DOCK2: variants seen among roughly 807,000 people sequenced by gnomAD.
DOCK2 encodes the protein dedicator of cytokinesis protein 2.
In DOCK2, 87 loss-of-function variants were observed where a neutral mutation model predicts 248.9. The observed-to-expected ratio is 0.35, with a 90% CI of 0.29 to 0.42. The LOEUF (loss-of-function observed/expected upper bound fraction) is 0.42, where lower values mean the gene tolerates loss of function less well. DOCK2 is among the 10% of genes least tolerant of loss of function. The pLI, the probability that DOCK2 is intolerant of heterozygous loss-of-function variation, is 1.00. For missense variants in DOCK2, 1,747 were observed against 2,300.2 expected, an observed-to-expected ratio of 0.76 and a Z score of 4.92; for synonymous variants, 805 against 821.6, an observed-to-expected ratio of 0.98 and a Z score of 0.35.
Position 169,903,096 on chromosome 5 carries a change from C to CA in DOCK2, c.2799+62254dup, listed in dbSNP as rs1022825066. ...CTGGCGACAGAGCAAGACTCCATCT[C>CA]AAAAAAAAAAGAAAGAAAGGGGTGA... On this transcript the variant is annotated intron_variant, in intron 27 of 51. Coordinates refer to ENST00000520908, the MANE Select transcript of DOCK2 (RefSeq NM_004946.3). 6.1e-3 allele frequency among the ~76,000 whole-genome samples: 867 copies of CA among 141,868 alleles called. 11 individuals are homozygous for CA. The highest frequency in any genetic ancestry group is 0.02 in the African/African-American group (789 of 38,674). The allele number at this position is 141,868 out of a possible 152,430, so 93.1% of individuals were successfully genotyped here. A position where few individuals can be genotyped will look rare whatever the true frequency, so the allele number is the denominator to read the frequency against.
chr5:169,712,080 T>C, intron 16 of DOCK2, 40 bp from the exon 17 acceptor site: 4 of 1,613,666 alleles, frequency 2.5e-6, no homozygotes, highest in Non-Finnish European at 3.4e-6. Context: ...GGGTGGCCCA[T>C]GTATCATTTT....
At chr5:169,863,641 G>GC (rs1176236950) in intron 27 of DOCK2, among the ~76,000 whole-genome samples, 1 of 152,206 alleles carries the variant, frequency 6.6e-6, no homozygotes, top group Non-Finnish European at 1.5e-5. Flanking sequence ...TCTGCCACAG[G>GC]CAGAAAGGTG....
At chr5:169,703,325 A>G (rs1388125718) in intron 14 of DOCK2, among the ~76,000 whole-genome samples, 5 of 152,200 alleles carry the variant, frequency 3.3e-5, no homozygotes, top group Non-Finnish European at 5.9e-5. Context: ...AATAACTAAC[A>G]TTCACAGGGG....
At chr5:169,812,078 T>C (rs1313138043) in intron 26 of DOCK2, among the ~76,000 whole-genome samples, 1 of 152,146 alleles carries the variant, frequency 6.6e-6, no homozygotes, top group African/African-American at 2.4e-5. Context: ...CCAGAATGGG[T>C]CCTCAACCCT....
chr5:170,034,540 C>A lies in DOCK2; in HGVS notation c.3609C>A (p.Cys1203Ter), dbSNP rs1433800308. 6.2e-7 allele frequency: 1 copy of A among 1,614,110 alleles called. No individual in the cohort carries two copies. Residue 1203 changes from cysteine to a stop codon, truncating the protein, a stop_gained, in exon 35 of 52, where the codon TGC becomes TGA. Transcript: ENST00000520908. LOFTEE classifies it high-confidence loss of function. ...AGAGCAAAGACAACCGCATGAGCTGCACCGTGAACCTGCTGGTGCGTGGGG... is the reference window on the plus strand; with the variant it reads ...AGAGCAAAGACAACCGCATGAGCTGAACCGTGAACCTGCTGGTGCGTGGGG... Reference protein sequence around the residue: ...TDESKDNRMSCTVNLLNFYKD... With the variant: ...TDESKDNRMS
At chr5:169,638,254 G>C (rs1216150103) in intron 1 of DOCK2, among the ~76,000 whole-genome samples, 1 of 152,160 alleles carries the variant, frequency 6.6e-6, no homozygotes, top group African/African-American at 2.4e-5. Flanking sequence ...TGATGCAGGG[G>C]GTCCCCAGGC....
chr5:169,813,303 T>G (rs1767869537), intron 26 of DOCK2, among the ~76,000 whole-genome samples: 1 of 152,340 alleles, frequency 6.6e-6, no homozygotes, highest in Middle Eastern at 3.4e-3. Context: ...ATGAGCTGGC[T>G]CCATTTTATT....
At chr5:169,941,230 T>C (rs1000022789) in intron 27 of DOCK2, among the ~76,000 whole-genome samples, 2 of 152,162 alleles carry the variant, frequency 1.3e-5, no homozygotes, top group Non-Finnish European at 2.9e-5. Flanking sequence ...TTTTTTGATG[T>C]GGAGTTTTGC....
intron 27 of DOCK2, among the ~76,000 whole-genome samples, chr5:169,894,665 CTCT>C (rs959132917): frequency 3.9e-5 from 6 of 152,198 alleles, no homozygotes; most frequent in Non-Finnish European, 2.9e-5. Context: ...AAAGAGCCCA[CTCT>C]TCATTTCTGA....
chr5:169,936,966 C>T (rs1776028144), intron 27 of DOCK2, among the ~76,000 whole-genome samples: 1 of 152,122 alleles, frequency 6.6e-6, no homozygotes, highest in African/African-American at 2.4e-5. Context: ...GGTTTCCCAC[C>T]ACCTCTCCTG....
chr5:169,929,358 C>T (rs1358592252), intron 27 of DOCK2, among the ~76,000 whole-genome samples: 7 of 152,078 alleles, frequency 4.6e-5, no homozygotes, highest in Admixed American at 2.6e-4. Context: ...GCTTTTTACA[C>T]GTAGATTTTC....
At chr5:169,995,638 A>G (rs1433835025) in intron 29 of DOCK2, among the ~76,000 whole-genome samples, 1 of 152,250 alleles carries the variant, frequency 6.6e-6, no homozygotes, top group African/African-American at 2.4e-5. Flanking sequence ...CATTTATCAA[A>G]ATGATACCCT....
At chr5:170,008,036 T>C (rs1013604458) in intron 30 of DOCK2, among the ~76,000 whole-genome samples, 3 of 152,120 alleles carry the variant, frequency 2.0e-5, no homozygotes, top group African/African-American at 7.2e-5. Flanking sequence ...TCCTCCAAGC[T>C]GTCAGGTGAA....
intron 27 of DOCK2, among the ~76,000 whole-genome samples, chr5:169,961,700 G>A (rs965373207): frequency 2.6e-5 from 4 of 152,040 alleles, no homozygotes; most frequent in African/African-American, 7.2e-5. Context: ...AAGCCAGGCC[G>A]GGTGCAGTGG....
intron 27 of DOCK2, among the ~76,000 whole-genome samples, chr5:169,943,169 C>G (rs1036291023): frequency 6.6e-6 from 1 of 152,148 alleles, no homozygotes; most frequent in South Asian, 2.1e-4. Context: ...CTAAAGTACC[C>G]GTGTGAAGTT....
chr5:169,887,738 G>A (rs1773052290), intron 27 of DOCK2, among the ~76,000 whole-genome samples: 2 of 152,080 alleles, frequency 1.3e-5, no homozygotes, highest in African/African-American at 4.8e-5. Flanking sequence ...TGAAATAAAT[G>A]CCTAGAAGAA....
At position 169,714,129 on chromosome 5, in the gene DOCK2, CA is replaced by C; in HGVS notation, c.1762del (p.Ser588ValfsTer34). ...GGGCCACGCTGAGCAGGAGCTCCAG[CA>C]GTGTTGGGGGGCTTTCTGTCAGCTC... Reference protein sequence around the residue: ...KGATLSRSSSSVGGLSVSSRD... With the variant: ...KGATLSRSSSXVGGLSVSSRD... On this transcript the variant is annotated frameshift_variant, in exon 18 of 52. Transcript: ENST00000520908. LOFTEE classifies it high-confidence loss of function. 1 of 1,613,836 alleles carries C rather than the reference CA, an allele frequency of 6.2e-7. No homozygotes were observed. Among genetic ancestry groups the C allele is most frequent in the Non-Finnish European group, 8.5e-7 (1 of 1,179,836 alleles).
At chr5:169,771,652 T>TA (rs751420510) in intron 25 of DOCK2, among the ~76,000 whole-genome samples, 3 of 152,212 alleles carry the variant, frequency 2.0e-5, no homozygotes, top group Non-Finnish European at 4.4e-5. Flanking sequence ...TCTTTCTACT[T>TA]ATCTTTTGCT....
At chr5:169,707,442 T>G (rs1314542222) in intron 14 of DOCK2, among the ~76,000 whole-genome samples, 2 of 152,186 alleles carry the variant, frequency 1.3e-5, no homozygotes, top group South Asian at 2.1e-4. Context: ...CTTGTGTCCT[T>G]CCTCTGTGCC....
Sources: allele counts gnomAD v4.1 joint callset (sites outside exome capture counted in the v4.1 genomes callset), GRCh38; gene constraint gnomAD v4.1.1; transcripts MANE v1.5; gene names NCBI Gene and HGNC (gene_info 2026-07-23, HGNC 2026-07-21).